Variants in BBS9 observed in about 807,000 individuals in gnomAD.
The protein encoded by BBS9 is Bardet-Biedl syndrome 9.
Under a neutral mutation model 117.7 loss-of-function variants are expected in BBS9, and 89 were observed. That is an observed-to-expected ratio of 0.76 (90% CI 0.64 to 0.90). The LOEUF (loss-of-function observed/expected upper bound fraction) is 0.90, where lower values mean the gene tolerates loss of function less well. Ranked by LOEUF, BBS9 falls within the 40% of genes least tolerant of loss-of-function variation. The pLI is 0.00. For synonymous variants in BBS9, 379 were observed against 370.9 expected (o/e 1.02, Z -0.25); for missense variants, 982 against 1,042.2 (o/e 0.94, Z 0.80).
chr7:33,149,376 G>A lies in BBS9; in HGVS notation c.112+3012G>A, dbSNP rs544071783. On this transcript the variant is annotated intron_variant, in intron 2 of 22. Coordinates refer to ENST00000242067, the MANE Select transcript of BBS9 (RefSeq NM_198428.3). ...AGTTGACCTCTACTTTTTTTTAGGTGATCAGACAGTGAGAGAAGAGTTACA... is the reference window on the plus strand; with the variant it reads ...AGTTGACCTCTACTTTTTTTTAGGTAATCAGACAGTGAGAGAAGAGTTACA... 2.6e-5 allele frequency among the ~76,000 whole-genome samples: 4 copies of A among 152,264 alleles called. No homozygotes were observed. The South Asian group carries it at 6.2e-4, about 24-fold the overall frequency.
At chr7:33,367,258 C>T (rs566393996) in intron 16 of BBS9, among the ~76,000 whole-genome samples, 17 of 152,144 alleles carry the variant, frequency 1.1e-4, no homozygotes, top group African/African-American at 4.1e-4. Context: ...AGTATTGATT[C>T]TCTAGGATCA....
At chr7:33,426,499 T>C (rs1833679935) in intron 19 of BBS9, among the ~76,000 whole-genome samples, 1 of 152,166 alleles carries the variant, frequency 6.6e-6, no homozygotes, top group Admixed American at 6.6e-5. Context: ...GGGCATATGC[T>C]ATAAACTCTC....
intron 21 of BBS9, among the ~76,000 whole-genome samples, chr7:33,616,367 A>ACAT (rs1865132167): frequency 6.6e-6 from 1 of 150,724 alleles, no homozygotes; most frequent in Admixed American, 6.6e-5. Context: ...TACTTATGAA[A>ACAT]AAGTATAGTG....
chr7:33,562,342 T>C (rs867148122), intron 21 of BBS9, among the ~76,000 whole-genome samples: 1 of 152,220 alleles, frequency 6.6e-6, no homozygotes, highest in Admixed American at 6.5e-5. Flanking sequence ...TCTTTTTAAA[T>C]GTGCATGTCT....
At chr7:33,160,269 A>G (rs920283373) in intron 4 of BBS9, among the ~76,000 whole-genome samples, 2 of 152,222 alleles carry the variant, frequency 1.3e-5, no homozygotes, top group African/African-American at 4.8e-5. Flanking sequence ...TAGAAGAATG[A>G]AGACTTCTTG....
chr7:33,168,179 G>A (rs1488786309), intron 4 of BBS9, among the ~76,000 whole-genome samples: 1 of 152,170 alleles, frequency 6.6e-6, no homozygotes. Context: ...GCATCCCAAA[G>A]TTAGAGGCTG....
chr7:33,267,180 T>G (rs1012463518), intron 7 of BBS9, among the ~76,000 whole-genome samples: 1 of 152,202 alleles, frequency 6.6e-6, no homozygotes, highest in Non-Finnish European at 1.5e-5. Context: ...ATCCTTTTGT[T>G]TGATAATCTT....
chr7:33,574,786 TAGAG>T (rs1228897308), intron 21 of BBS9, among the ~76,000 whole-genome samples: 2 of 150,588 alleles, frequency 1.3e-5, no homozygotes, highest in Middle Eastern at 3.4e-3. Context: ...GTAAACTATA[TAGAG>T]AGAGTTTGAC....
intron 9 of BBS9, among the ~76,000 whole-genome samples, chr7:33,313,370 C>T (rs992802679): frequency 7.2e-5 from 11 of 152,058 alleles, no homozygotes; most frequent in East Asian, 1.9e-4. Context: ...AAAGAAGTTG[C>T]GTCAAATATT....
chr7:33,483,780 G>A (rs535308450), intron 19 of BBS9, among the ~76,000 whole-genome samples: 111 of 151,960 alleles, frequency 7.3e-4, no homozygotes, highest in African/African-American at 2.5e-3. Flanking sequence ...ACATCTACAC[G>A]CCATGCCCAG....
At chr7:33,186,853 T>G (rs1783215748) in intron 5 of BBS9, among the ~76,000 whole-genome samples, 1 of 152,212 alleles carries the variant, frequency 6.6e-6, no homozygotes, top group East Asian at 1.9e-4. Flanking sequence ...AAATTAATGC[T>G]TGCAAAATTT....
At chr7:33,300,714 A>G (rs1806219716) in intron 9 of BBS9, among the ~76,000 whole-genome samples, 1 of 151,708 alleles carries the variant, frequency 6.6e-6, no homozygotes. Context: ...TGAACTCTGG[A>G]CACTTAATAA....
chr7:33,427,666 C>T lies in BBS9; in HGVS notation c.2115+39522C>T, dbSNP rs117560553. Among the ~76,000 whole-genome samples the T allele has an allele frequency of 1.8e-3, 269 of 152,272 alleles. 1 individual carries two copies. The highest frequency in any genetic ancestry group is 3.5e-3 in the Admixed American group (53 of 15,290). ...AAGAAAGACTAGGCAATTTACTCTG[C>T]TTGGCAGTTTACACGGGTTTTCTGA... On this transcript the variant is annotated intron_variant, in intron 19 of 22. Coordinates refer to ENST00000242067, the MANE Select transcript of BBS9 (RefSeq NM_198428.3).
chr7:33,378,449 C>A (rs1584560860), intron 17 of BBS9, among the ~76,000 whole-genome samples: 1 of 152,118 alleles, frequency 6.6e-6, no homozygotes, highest in East Asian at 1.9e-4. Context: ...TTCCTTTGAA[C>A]CTACTGCATG....
intron 5 of BBS9, among the ~76,000 whole-genome samples, chr7:33,211,182 A>G (rs1483700190): frequency 6.6e-6 from 1 of 152,036 alleles, no homozygotes; most frequent in African/African-American, 2.4e-5. Context: ...GTTATTATTG[A>G]TATGTAAGGA....
intron 19 of BBS9, among the ~76,000 whole-genome samples, chr7:33,473,700 CATA>C (rs2128959835): frequency 6.6e-6 from 1 of 152,216 alleles, no homozygotes; most frequent in Non-Finnish European, 1.5e-5. Context: ...TTACAGTTTC[CATA>C]ATATTTTCAT....
intron 21 of BBS9, among the ~76,000 whole-genome samples, chr7:33,587,165 C>T (rs1357723095): frequency 2.6e-5 from 4 of 152,084 alleles, no homozygotes; most frequent in Non-Finnish European, 5.9e-5. Context: ...GAACAGCTCT[C>T]TCAGCTCAGT....
chr7:33,602,437 AG>A (rs553887539), intron 21 of BBS9, among the ~76,000 whole-genome samples: 6 of 152,152 alleles, frequency 3.9e-5, no homozygotes, highest in Non-Finnish European at 5.9e-5. Flanking sequence ...ATCCAAAGAA[AG>A]GGGGGTGGTA....
chr7:33,264,208 A>G (rs964416149), intron 6 of BBS9, 82 bp from the exon 7 acceptor site: 1 of 696,546 alleles, frequency 1.4e-6, no homozygotes. Context: ...TTTATAGATT[A>G]TTGTGTACTT....
Sources: allele counts gnomAD v4.1 joint callset (sites outside exome capture counted in the v4.1 genomes callset), GRCh38; gene constraint gnomAD v4.1.1; transcripts MANE v1.5; gene names NCBI Gene and HGNC (gene_info 2026-07-23, HGNC 2026-07-21).